Variants in TRPM3 observed in about 807,000 individuals in gnomAD.
TRPM3 encodes transient receptor potential cation channel subfamily M member 3.
A neutral mutation model predicts 181.2 loss-of-function variants in TRPM3; 77 were observed. That is an observed-to-expected ratio of 0.42 (90% CI 0.35 to 0.51). The LOEUF (loss-of-function observed/expected upper bound fraction) is 0.51. Among genes scored for constraint, TRPM3 ranks in the 20% least tolerant of loss-of-function variants. The probability of loss-of-function intolerance (pLI) is 0.01; values close to 1 mark genes in which losing one functional copy is unlikely to be tolerated. For synonymous variants in TRPM3, 745 were observed against 796.4 expected (o/e 0.94, Z 1.09); for missense variants, 1,759 against 2,196.7 (o/e 0.80, Z 3.98).
intron 7 of TRPM3, among the ~76,000 whole-genome samples, chr9:70,783,639 C>T (rs2082960099): frequency 6.6e-6 from 1 of 152,162 alleles, no homozygotes; most frequent in African/African-American, 2.4e-5. Context: ...AGCCTGATGG[C>T]ACGATCTACC....
chr9:70,938,155 G>C (rs755548537), intron 1 of TRPM3, among the ~76,000 whole-genome samples: 1 of 152,166 alleles, frequency 6.6e-6, no homozygotes, highest in Non-Finnish European at 1.5e-5. Flanking sequence ...GAGGGAGCTA[G>C]AGTGTTCAGG....
intron 1 of TRPM3, among the ~76,000 whole-genome samples, chr9:71,144,233 C>T (rs1281651408): frequency 6.6e-6 from 1 of 152,068 alleles, no homozygotes; most frequent in African/African-American, 2.4e-5. Context: ...TGACCTTGTG[C>T]CCCTAGAAGT....
intron 1 of TRPM3, among the ~76,000 whole-genome samples, chr9:71,168,533 GTGATTTATTTATTTATTTAT>G (rs1294917413): frequency 0.035 from 2,844 of 82,042 alleles, 105 homozygotes; most frequent in Non-Finnish European, 0.051. Context: ...TTTTTAAGGT[GTGATTTATTTATTTATTTAT>G]TTATTTATTT....
intron 1 of TRPM3, among the ~76,000 whole-genome samples, chr9:71,379,305 T>C (rs913779767): frequency 1.3e-5 from 2 of 152,094 alleles, no homozygotes; most frequent in South Asian, 2.1e-4. Context: ...CTTTAAATCA[T>C]ATCAACTTTT....
At chr9:70,679,766 T>C (rs1191182272) in intron 9 of TRPM3, among the ~76,000 whole-genome samples, 1 of 152,226 alleles carries the variant, frequency 6.6e-6, no homozygotes, top group Non-Finnish European at 1.5e-5. Flanking sequence ...ACACAGTGTT[T>C]GGCACATAGT....
At chr9:71,404,999 T>C (rs1277174997) in intron 1 of TRPM3, among the ~76,000 whole-genome samples, 1 of 152,228 alleles carries the variant, frequency 6.6e-6, no homozygotes, top group Non-Finnish European at 1.5e-5. Flanking sequence ...TGCAGTACTT[T>C]ATACATAGCT....
intron 1 of TRPM3, among the ~76,000 whole-genome samples, chr9:70,972,819 C>G (rs1418549468): frequency 6.6e-6 from 1 of 151,990 alleles, no homozygotes; most frequent in Non-Finnish European, 1.5e-5. Flanking sequence ...GGTTAGTGCC[C>G]ACTTTGATCC....
At chr9:70,539,196 G>A (rs1404080817) in intron 25 of TRPM3, among the ~76,000 whole-genome samples, 1 of 152,158 alleles carries the variant, frequency 6.6e-6, no homozygotes, top group Admixed American at 6.5e-5. Flanking sequence ...GGGTGGTGGT[G>A]AGGTTTTAAT....
At chr9:70,763,338 T>C (rs1014734655) in intron 7 of TRPM3, among the ~76,000 whole-genome samples, 1 of 152,090 alleles carries the variant, frequency 6.6e-6, no homozygotes, top group African/African-American at 2.4e-5. Flanking sequence ...AGTGAGACTT[T>C]GTCTCTACAA....
chr9:70,901,042 C>G (rs568030497), intron 1 of TRPM3, among the ~76,000 whole-genome samples: 1 of 152,176 alleles, frequency 6.6e-6, no homozygotes, highest in Non-Finnish European at 1.5e-5. Context: ...TAACACTATC[C>G]TTTGCTTCAG....
chr9:70,634,176 C>A (rs1440384298), intron 12 of TRPM3, among the ~76,000 whole-genome samples: 1 of 152,180 alleles, frequency 6.6e-6, no homozygotes, highest in African/African-American at 2.4e-5. Context: ...GTGGCACGAT[C>A]TTGGCTCACT....
At chr9:70,880,211 T>C (rs1052671216) in intron 1 of TRPM3, among the ~76,000 whole-genome samples, 2 of 152,070 alleles carry the variant, frequency 1.3e-5, no homozygotes, top group Non-Finnish European at 2.9e-5. Context: ...TACAGAACAT[T>C]TTTTTCTTAA....
Position 71,079,018 on chromosome 9 carries a change from T to A in TRPM3, c.177+42160A>T, listed in dbSNP as rs1222264192. ...ACCACCAGTTGAATAGAATGAGCAC[T>A]ATTTTTTTTTTCCATATCAGACCTA... On this transcript the variant is annotated intron_variant, in intron 1 of 25. Coordinates refer to ENST00000677713, the MANE Select transcript of TRPM3 (RefSeq NM_001366145.2). 2.1e-5 allele frequency among the ~76,000 whole-genome samples: 3 copies of A among 140,892 alleles called. No homozygotes were observed. The East Asian group carries it at 6.7e-4, about 32-fold the overall frequency. 92.4% of individuals were successfully genotyped at this position (140,892 alleles called of 152,430 possible).
At chr9:70,884,684 C>G (rs760402723) in intron 1 of TRPM3, among the ~76,000 whole-genome samples, 12 of 152,180 alleles carry the variant, frequency 7.9e-5, no homozygotes, top group East Asian at 1.9e-4. Context: ...GTGTTTGGTT[C>G]ATGTTCCTGC....
In TRPM3 at chr9:70,625,745, ACT is replaced by A. The variant is rs1361114946; in HGVS notation, c.1633-230_1633-229del. ...CTGCCTCTGACCCAGGCCTGTTACC[ACT>A]CTCTTGATATCATTTGGTTTCTACC... On this transcript the variant is annotated intron_variant, in intron 12 of 25. Transcript: ENST00000677713. The surrounding 1 kb of genome is among the most constrained non-coding windows in gnomAD (Gnocchi z 4.8). 6.6e-6 allele frequency among the ~76,000 whole-genome samples: 1 copy of A among 151,784 alleles called. No homozygotes were observed. The highest frequency in any genetic ancestry group is 1.5e-5 in the Non-Finnish European group (1 of 67,944).
intron 22 of TRPM3, among the ~76,000 whole-genome samples, chr9:70,561,803 C>T (rs1282437943): frequency 1.3e-5 from 2 of 152,100 alleles, no homozygotes; most frequent in African/African-American, 4.8e-5. Flanking sequence ...TTGGGAAGTC[C>T]AAGATGGCTT....
chr9:70,752,452 G>A (rs2076361691), intron 8 of TRPM3, among the ~76,000 whole-genome samples: 2 of 152,124 alleles, frequency 1.3e-5, no homozygotes, highest in Admixed American at 6.6e-5. Flanking sequence ...ACACATTTTA[G>A]TAGAATATAT....
At chr9:70,817,887 A>G (rs949375932) in intron 6 of TRPM3, among the ~76,000 whole-genome samples, 8 of 152,202 alleles carry the variant, frequency 5.3e-5, no homozygotes, top group Non-Finnish European at 1.0e-4. Context: ...AATCTTTAAA[A>G]AAAGCTTCCC....
At chr9:70,811,163 T>G in intron 6 of TRPM3, 1 of 1,605,480 alleles carries the variant, frequency 6.2e-7, no homozygotes, top group Non-Finnish European at 8.5e-7. Context: ...CCATTAATTA[T>G]ACTTACCAAC....
Sources: allele counts gnomAD v4.1 joint callset (sites outside exome capture counted in the v4.1 genomes callset), GRCh38; gene constraint gnomAD v4.1.1; non-coding constraint Gnocchi (gnomAD v3.1); transcripts MANE v1.5; gene names NCBI Gene and HGNC (gene_info 2026-07-23, HGNC 2026-07-21).